Variants in ALDH1A1 observed in about 807,000 individuals in gnomAD.
ALDH1A1 encodes the protein aldehyde dehydrogenase 1 family member A1.
Under a neutral mutation model 62.1 loss-of-function variants are expected in ALDH1A1, and 19 were observed. The ratio of observed to expected loss-of-function variants is 0.31; its 90% CI spans 0.21 to 0.45. The LOEUF is 0.45. Among genes scored for constraint, ALDH1A1 ranks in the 20% least tolerant of loss-of-function variants. The pLI is 1.00. For missense variants in ALDH1A1, 521 were observed against 607.1 expected (o/e 0.86, Z 1.49); for synonymous variants, 231 against 215.9 (o/e 1.07, Z -0.61).
At chr9:72,916,825 A>AGAT (rs1038392369) in intron 9 of ALDH1A1, 95 bp downstream of exon 9, 1 of 1,027,312 alleles carries the variant, frequency 9.7e-7, no homozygotes, top group Non-Finnish European at 1.3e-6. Flanking sequence ...GAAGGTGTGC[A>AGAT]GATGGGAAGT....
intron 1 of ALDH1A1, among the ~76,000 whole-genome samples, chr9:72,946,541 C>T (rs1013497311): frequency 3.3e-5 from 5 of 151,930 alleles, no homozygotes; most frequent in African/African-American, 9.7e-5. Context: ...CATCTATACA[C>T]CCAAAACATG....
At chr9:72,901,556 T>G (rs1829803820) in intron 12 of ALDH1A1, among the ~76,000 whole-genome samples, 1 of 152,078 alleles carries the variant, frequency 6.6e-6, no homozygotes, top group Non-Finnish European at 1.5e-5. Context: ...CTTTTGACAT[T>G]ATTCTACTTG....
intron 1 of ALDH1A1, among the ~76,000 whole-genome samples, chr9:72,948,056 C>T (rs1377402925): frequency 2.0e-5 from 3 of 151,932 alleles, no homozygotes; most frequent in Non-Finnish European, 4.4e-5. Flanking sequence ...CTCACAGCCA[C>T]TTTCCAAGGT....
chr9:72,925,427 C>T lies in ALDH1A1; in HGVS notation c.633+57G>A, dbSNP rs566343527. On this transcript the variant is annotated intron_variant, in intron 6 of 12. Transcript: ENST00000297785. ...TATAGTAGCAACAAATGAGGTCTTC[C>T]TATTGTAATTTAGGATTCTTGAGTT... 3.8e-5 allele frequency: 60 copies of T among 1,587,962 alleles called. No homozygotes were observed. The African/African-American group carries it at 7.5e-4, about 20-fold the overall frequency.
intron 2 of ALDH1A1, among the ~76,000 whole-genome samples, chr9:72,938,443 AATTTTTT>A (rs769821021): frequency 2.0e-5 from 3 of 152,062 alleles, no homozygotes; most frequent in East Asian, 3.9e-4. Flanking sequence ...TATGCTATCT[AATTTTTT>A]ATTTTTTATT....
chr9:72,909,025 C>T (rs758102403), intron 11 of ALDH1A1, among the ~76,000 whole-genome samples: 4 of 152,078 alleles, frequency 2.6e-5, no homozygotes, highest in East Asian at 1.9e-4. Flanking sequence ...CATAGTACCA[C>T]GTGCTCAGAA....
At chr9:72,949,355 G>T (rs1054376455) in intron 1 of ALDH1A1, among the ~76,000 whole-genome samples, 7 of 151,866 alleles carry the variant, frequency 4.6e-5, no homozygotes, top group African/African-American at 1.7e-4. Context: ...GATGAAGAAG[G>T]ATACAAGAGG....
At chr9:72,935,183 G>A (rs1830333410) in intron 2 of ALDH1A1, among the ~76,000 whole-genome samples, 1 of 152,110 alleles carries the variant, frequency 6.6e-6, no homozygotes. Context: ...AGACATAACA[G>A]TTATTGTTTT....
chr9:72,930,710 C>T (rs140683176), intron 3 of ALDH1A1, among the ~76,000 whole-genome samples, 169 bp downstream of exon 3: 1 of 152,234 alleles, frequency 6.6e-6, no homozygotes, highest in African/African-American at 2.4e-5. Context: ...ATGCAGATTA[C>T]TATTTGAGAA....
rs767809299 is a variant in ALDH1A1, at chr9:72,909,639, T to C, written c.1321A>G (p.Ile441Val). 8 of 1,614,068 alleles carry C rather than the reference T, an allele frequency of 5.0e-6. No individual in the cohort carries two copies. Among genetic ancestry groups the C allele is most frequent in the East Asian group, 2.2e-5 (1 of 44,878 alleles). Residue 441 changes from isoleucine (I) to valine (V), a missense_variant, in exon 11 of 13, where the codon ATA (isoleucine) becomes GTA (valine). Transcript: ENST00000297785. ...GCCTGCAGAGCAGAGGAGATTGTTA[T>C]GGCTTTATCAATGTCTTTGGTAAAC... ...GVFTKDIDKA[I>V]TISSALQAGT...
intron 1 of ALDH1A1, among the ~76,000 whole-genome samples, chr9:72,944,455 C>A (rs982351139): frequency 6.6e-6 from 1 of 152,010 alleles, no homozygotes; most frequent in Non-Finnish European, 1.5e-5. Flanking sequence ...ATAATTTATT[C>A]ATAGGGCCTA....
chr9:72,934,822 T>C (rs1830329020), intron 2 of ALDH1A1, among the ~76,000 whole-genome samples: 1 of 152,200 alleles, frequency 6.6e-6, no homozygotes, highest in Non-Finnish European at 1.5e-5. Flanking sequence ...CTATGGCTCA[T>C]GGATATGAAA....
At chr9:72,938,253 TAATAA>T (rs1178317669) in intron 2 of ALDH1A1, among the ~76,000 whole-genome samples, 1 of 152,002 alleles carries the variant, frequency 6.6e-6, no homozygotes, top group Non-Finnish European at 1.5e-5. Context: ...ATAATAATAA[TAATAA>T]AATAAAATAA....
At chr9:72,943,505 G>A (rs1830440236) in intron 1 of ALDH1A1, among the ~76,000 whole-genome samples, 1 of 152,124 alleles carries the variant, frequency 6.6e-6, no homozygotes, top group Non-Finnish European at 1.5e-5. Context: ...AATAACACAT[G>A]TTTATCTGGC....
intron 2 of ALDH1A1, among the ~76,000 whole-genome samples, chr9:72,933,520 C>G (rs77607043): frequency 0.048 from 6,792 of 142,746 alleles, 215 homozygotes; most frequent in Non-Finnish European, 0.072. Context: ...CTGAGAGGTG[C>G]AGGTTGCAGT....
Position 72,925,602 on chromosome 9 carries a change from G to A in ALDH1A1, c.515C>T (p.Pro172Leu). The change falls in exon 6 of 13, where the codon CCG becomes CTG. Residue 172 changes from proline to leucine, a missense_variant. Coordinates refer to ENST00000297785, the MANE Select transcript of ALDH1A1 (RefSeq NM_000689.5). ...VCGQIIPWNF[P>L]LVMLIWKIGP... ...TATCTTCCAAATGAGCATAACCAAC[G>A]GGAAATTCCACTAGAAAGCAATATG... 2.5e-6 allele frequency: 4 copies of A among 1,611,538 alleles called. No individual in the cohort carries two copies. The highest frequency in any genetic ancestry group is 3.4e-6 in the Non-Finnish European group (4 of 1,179,096).
chr9:72,951,675 T>A (rs1830545622), intron 1 of ALDH1A1, among the ~76,000 whole-genome samples: 1 of 151,978 alleles, frequency 6.6e-6, no homozygotes, highest in African/African-American at 2.4e-5. Flanking sequence ...TGCAACCTTT[T>A]GGACATACCT....
At chr9:72,946,850 A>T (rs547113557) in intron 1 of ALDH1A1, among the ~76,000 whole-genome samples, 2 of 152,058 alleles carry the variant, frequency 1.3e-5, no homozygotes, top group Admixed American at 1.3e-4. Context: ...GCAACATATC[A>T]TCCTATAGAT....
chr9:72,927,073 C>T (rs764704295), intron 5 of ALDH1A1, 43 bp downstream of exon 5: 1 of 1,395,264 alleles, frequency 7.2e-7, no homozygotes, highest in African/African-American at 1.4e-5. Context: ...AGAATAAGAA[C>T]TCTTCTTTTT....
Sources: allele counts gnomAD v4.1 joint callset (sites outside exome capture counted in the v4.1 genomes callset), GRCh38; gene constraint gnomAD v4.1.1; transcripts MANE v1.5; gene names NCBI Gene and HGNC (gene_info 2026-07-23, HGNC 2026-07-21).